VAT1: variants seen among roughly 807,000 people sequenced by gnomAD.
The protein encoded by VAT1 is vesicle amine transport 1.
VAT1 carries 24 observed loss-of-function variants against 33.3 expected under a neutral mutation model. The observed-to-expected ratio is 0.72, with a 90% CI of 0.52 to 1.01. The LOEUF (loss-of-function observed/expected upper bound fraction) is 1.01, where lower values mean the gene tolerates loss of function less well. Ranked by LOEUF, VAT1 falls within the 50% of genes least tolerant of loss-of-function variation. The pLI is 0.00. For missense variants in VAT1, 436 were observed against 533.7 expected (o/e 0.82, Z 1.80); for synonymous variants, 212 against 225.0 (o/e 0.94, Z 0.52).
chr17:43,021,200 G>T (rs2050563986), intron 1 of VAT1, among the ~76,000 whole-genome samples: 1 of 152,158 alleles, frequency 6.6e-6, no homozygotes, highest in Non-Finnish European at 1.5e-5. Flanking sequence ...GCCCCGGGTC[G>T]TGGCCCGAAG....
intron 1 of VAT1, among the ~76,000 whole-genome samples, chr17:43,021,674 T>TC (rs887193083): frequency 5.4e-5 from 8 of 149,512 alleles, no homozygotes; most frequent in East Asian, 2.0e-4. Context: ...CTTATTGTTT[T>TC]CCCCCCCACC....
Position 43,018,672 on chromosome 17 carries a change from T to C in VAT1, c.515A>G (p.Asn172Ser). 1 of 1,614,068 alleles carries C rather than the reference T, an allele frequency of 6.2e-7. No homozygotes were observed. The highest frequency in any genetic ancestry group is 8.5e-7 in the Non-Finnish European group (1 of 1,180,008). The change falls in exon 2 of 6, where the codon AAT becomes AGT. Residue 172 changes from asparagine (N) to serine (S), a missense_variant. Physicochemically the swap from Asn to Ser is conservative, Grantham distance 46 (BLOSUM62 1). Around this residue, in one of 2 missense-constraint regions of VAT1, gnomAD observed 282 missense variants for 405.4 expected, o/e 0.70. Transcript: ENST00000355653. Reference sequence around the variant, plus strand: ...GAGGACCATGTAGGCTGTAATGTAATTGACGAGCAAGGCAGCAGCTTCCTC... The same window carrying C: ...GAGGACCATGTAGGCTGTAATGTAACTGACGAGCAAGGCAGCAGCTTCCTC... ...TFEEAAALLV[N>S]YITAYMVLFD...
At position 43,022,133 on chromosome 17, in the gene VAT1, G is replaced by A. The variant is rs11539630; in HGVS notation, c.190C>T (p.Leu64=). ...TGFGGYDKVK[L]QSRPAAPPAP... ...GGGGGCGCTGCCGGCCGGCTCTGCA[G>A]CTTCACCTTGTCGTAGCCTCCAAAG... Residue 64 remains leucine, a synonymous_variant, in exon 1 of 6, where the codon CTG becomes TTG. Transcript: ENST00000355653. 2.6e-6 allele frequency: 4 copies of A among 1,562,146 alleles called. No individual in the cohort carries two copies. In the South Asian group the frequency reaches 3.5e-5, roughly 14 times the overall value.
intron 1 of VAT1, chr17:43,020,323 AG>A: frequency 2.0e-5 from 20 of 985,116 alleles, no homozygotes; most frequent in Non-Finnish European, 2.3e-5. Flanking sequence ...AAGTGTATGG[AG>A]GGGAGGTGAG....
At chr17:43,020,220 G>A (rs2050555117) in intron 1 of VAT1, 2 of 985,070 alleles carry the variant, frequency 2.0e-6, no homozygotes, top group South Asian at 4.7e-5. Context: ...GAAGGAGGAG[G>A]AGGGAGAGAG....
intron 4 of VAT1, among the ~76,000 whole-genome samples, chr17:43,016,788 T>TG (rs944898236): frequency 1.3e-5 from 2 of 151,906 alleles, no homozygotes; most frequent in African/African-American, 4.8e-5. Context: ...GAAGCCAAGG[T>TG]GGGGGGATCA....
intron 4 of VAT1, 70 bp from the exon 5 acceptor site, chr17:43,016,618 C>T: frequency 6.4e-7 from 1 of 1,572,118 alleles, no homozygotes; most frequent in Non-Finnish European, 8.7e-7. Context: ...TCTGTGCTCT[C>T]TGTTCCCTGT....
At chr17:43,020,076 G>A (rs2050554121) in intron 1 of VAT1, 5 of 983,378 alleles carry the variant, frequency 5.1e-6, no homozygotes, top group South Asian at 9.4e-5. Flanking sequence ...GGAGAGCTGC[G>A]AGGAGTGCAT....
chr17:43,020,222 G>A, intron 1 of VAT1: 3 of 985,202 alleles, frequency 3.0e-6, no homozygotes, highest in Non-Finnish European at 3.6e-6. Context: ...AGGAGGAGGA[G>A]GGAGAGAGAG....
At chr17:43,016,212 G>C (rs1490303398) in intron 5 of VAT1, 68 bp from the exon 6 acceptor site, 157 of 1,611,574 alleles carry the variant, frequency 9.7e-5, no homozygotes, top group Non-Finnish European at 1.3e-4. Flanking sequence ...CCAGTGTGAT[G>C]CAGGCAGCCC....
At chr17:43,016,853 A>AC (rs775111354) in intron 4 of VAT1, among the ~76,000 whole-genome samples, 1 of 151,702 alleles carries the variant, frequency 6.6e-6, no homozygotes, top group Non-Finnish European at 1.5e-5. Flanking sequence ...CCTTGTCTCT[A>AC]CTAAAAAATA....
In VAT1 at chr17:43,016,652, C is replaced by T. The variant is rs1245305980; in HGVS notation, c.857-104G>A. ...GTGATCCCCTTGCAATTCTCCACACCAGTGCCAGGGAGTGATTGGATAATT... is the reference window on the plus strand; with the variant it reads ...GTGATCCCCTTGCAATTCTCCACACTAGTGCCAGGGAGTGATTGGATAATT... On this transcript the variant is annotated intron_variant, in intron 4 of 5. Transcript: ENST00000355653. 2.0e-6 allele frequency: 3 copies of T among 1,493,048 alleles called. No homozygotes were observed. The Admixed American group carries it at 5.8e-5, about 29-fold the overall frequency. The allele number at this position is 1,493,048 out of a possible 1,614,324, so 92.5% of individuals were successfully genotyped here.
Position 43,017,874 on chromosome 17 carries a change from G to A in VAT1, c.823C>T (p.Leu275Phe). Residue 275 changes from leucine (L) to phenylalanine (F), a missense_variant, in exon 4 of 6, where the codon CTC becomes TTC. Coordinates refer to ENST00000355653, the MANE Select transcript of VAT1 (RefSeq NM_006373.4). ...GGSDTAKGYN[L>F]LKPMGKVVTY... ...ACGACTTTGCCCATGGGTTTCAGGA[G>A]GTTGTAGCCCTTGGCAGTATCTGAC... 6.2e-7 allele frequency: 1 copy of A among 1,614,162 alleles called. No individual in the cohort carries two copies. The highest frequency in any genetic ancestry group is 8.5e-7 in the Non-Finnish European group (1 of 1,180,034).
intron 1 of VAT1, chr17:43,019,107 T>A: frequency 2.6e-6 from 1 of 377,666 alleles, no homozygotes; most frequent in Admixed American, 4.3e-5. Flanking sequence ...ATGTCACTAT[T>A]GTGTAAGATC....
chr17:43,018,772 G>T lies in VAT1; in HGVS notation c.415C>A (p.Arg139=), dbSNP rs200589483. ...KAGDRVMVLN[R]SGMWQEEVTV... The stretch of plus-strand genomic sequence containing the variant: ...ACCTCTTCCTGCCACATCCCTGACC[G>T]GTTCAACACCATCACCCGGTCTCCT... The change falls in exon 2 of 6, where the codon CGG becomes AGG. Residue 139 remains arginine (R), a synonymous_variant. Transcript: ENST00000355653. 1 of 1,614,108 alleles carries T rather than the reference G, an allele frequency of 6.2e-7. No homozygotes were observed. The highest frequency in any genetic ancestry group is 8.5e-7 in the Non-Finnish European group (1 of 1,180,026).
chr17:43,017,608 T>C (rs1266852671), intron 4 of VAT1, among the ~76,000 whole-genome samples: 1 of 138,420 alleles, frequency 7.2e-6, no homozygotes, highest in African/African-American at 2.7e-5. Flanking sequence ...AAAAAAAGAA[T>C]GTAGAATTTA....
intron 1 of VAT1, among the ~76,000 whole-genome samples, chr17:43,020,565 T>C (rs974329957): frequency 1.1e-4 from 17 of 152,092 alleles, no homozygotes; most frequent in African/African-American, 4.1e-4. Context: ...GGGCCTCTCA[T>C]TGAGGGGTCT....
In VAT1 at chr17:43,015,140, T is replaced by C. The variant is rs1307819733; in HGVS notation, c.*921A>G. On this transcript the variant is annotated 3_prime_UTR_variant, in exon 6 of 6. Coordinates refer to ENST00000355653, the MANE Select transcript of VAT1 (RefSeq NM_006373.4). The stretch of plus-strand genomic sequence containing the variant: ...AGACGGGACATGGCACAGACCACGA[T>C]GAGGGCACCTGTTTTTGCCCTGCCT... The C allele has an allele frequency of 1.3e-5, 2 of 152,690 alleles. No homozygotes were observed. The highest frequency in any genetic ancestry group is 2.9e-5 in the Non-Finnish European group (2 of 68,104). The allele number at this position is 152,690 out of a possible 1,614,324, so 9.5% of individuals were successfully genotyped here.
intron 1 of VAT1, 39 bp from the exon 2 acceptor site, chr17:43,018,838 T>C (rs1567746813): frequency 1.9e-6 from 3 of 1,610,962 alleles, no homozygotes; most frequent in Admixed American, 3.3e-5. Flanking sequence ...CACTCATTCA[T>C]TCACCCACAG....
Sources: gnomAD v4.1 joint callset for allele counts (sites outside exome capture counted in the v4.1 genomes callset) on GRCh38, gnomAD v4.1.1 for gene constraint, gnomAD v4.1.1 regional missense constraint, MANE v1.5 for transcripts, NCBI Gene and HGNC (gene_info 2026-07-23, HGNC 2026-07-21) for gene names.